The following PCDH15 variants were observed in gnomAD, a reference collection of about 807,000 sequenced individuals.
The protein encoded by PCDH15 is protocadherin related 15.
In PCDH15, 129 loss-of-function variants were observed where a neutral mutation model predicts 178.5. The observed-to-expected ratio is 0.72, with a 90% CI of 0.63 to 0.84. The LOEUF is 0.84. Ranked by LOEUF, PCDH15 falls within the 40% of genes least tolerant of loss-of-function variation. The probability of loss-of-function intolerance (pLI) is 0.00; values close to 1 mark genes in which losing one functional copy is unlikely to be tolerated. For missense variants in PCDH15, 2,230 were observed against 2,099.9 expected (o/e 1.06, Z -1.21); for synonymous variants, 800 against 732.0 (o/e 1.09, Z -1.50).
Position 54,697,579 on chromosome 10 carries a change from A to G in PCDH15, c.-28-33289T>C, listed in dbSNP as rs533692007. On this transcript the variant is annotated intron_variant, in intron 1 of 37. Coordinates refer to ENST00000644397, the MANE Select transcript of PCDH15 (RefSeq NM_001384140.1). ...ATAGTTAACCTCTGCAGAAATGTTT[A>G]TGCTTATTTTTGCTTATTCCATTTA... Among the ~76,000 whole-genome samples the G allele has an allele frequency of 5.6e-5, 8 of 143,128 alleles. No individual in the cohort carries two copies. The South Asian group carries it at 1.8e-3, about 33-fold the overall frequency. 93.9% of individuals were successfully genotyped at this position (143,128 alleles called of 152,430 possible).
intron 15 of PCDH15, among the ~76,000 whole-genome samples, chr10:54,108,769 G>A (rs898484857): frequency 6.6e-6 from 1 of 152,104 alleles, no homozygotes; most frequent in Non-Finnish European, 1.5e-5. Context: ...AATTGTAAAG[G>A]GAACATTGTC....
intron 18 of PCDH15, among the ~76,000 whole-genome samples, chr10:54,026,807 T>C (rs2093112634): frequency 6.6e-6 from 1 of 152,118 alleles, no homozygotes; most frequent in South Asian, 2.1e-4. Flanking sequence ...ATAAGAGCTA[T>C]CTATGACAAA....
In PCDH15 at chr10:54,050,614, TG is replaced by T. The variant is rs1035283811; in HGVS notation, c.2220+16142del. Among the ~76,000 whole-genome samples, 659 of 149,112 alleles carry T rather than the reference TG, an allele frequency of 4.4e-3. 4 individuals are homozygous for T. Among genetic ancestry groups the T allele is most frequent in the African/African-American group, 6.1e-3 (249 of 40,524 alleles). On this transcript the variant is annotated intron_variant, in intron 18 of 37. Transcript: ENST00000644397. ...CTCTTTTGCTAGACATAAGGGGTTT[TG>T]TTTGTTTGTTTGTTTGTTTTTCCCT...
Position 55,086,765 on chromosome 10 carries a change from C to T in PCDH15, c.-80+79811G>A, listed in dbSNP as rs529124154. ...TAAAAGAAAAACTATATCACACATA[C>T]TTTAATATAGATAAACAAATAAATA... On this transcript the variant is annotated intron_variant, in intron 2 of 5. Coordinates refer to the PCDH15 transcript ENST00000458638. Among the ~76,000 whole-genome samples the T allele has an allele frequency of 2.0e-5, 3 of 152,074 alleles. No individual in the cohort carries two copies. The South Asian group carries it at 6.2e-4, about 32-fold the overall frequency.
intron 2 of PCDH15, among the ~76,000 whole-genome samples, chr10:54,541,043 C>T (rs1047411605): frequency 2.6e-5 from 4 of 152,078 alleles, no homozygotes; most frequent in African/African-American, 9.7e-5. Context: ...CACAATACAG[C>T]TAACATTAAA....
intron 2 of PCDH15, among the ~76,000 whole-genome samples, chr10:54,560,190 T>C (rs983531179): frequency 6.6e-6 from 1 of 152,068 alleles, no homozygotes; most frequent in Admixed American, 6.6e-5. Context: ...TGTCCGCCTA[T>C]AGAAGATTTT....
chr10:54,827,195 A>T lies in PCDH15; in HGVS notation c.-29+70255T>A, dbSNP rs73254004. 3.7e-3 allele frequency among the ~76,000 whole-genome samples: 562 copies of T among 152,240 alleles called. 1 individual carries two copies. Among genetic ancestry groups the T allele is most frequent in the African/African-American group, 0.013 (540 of 41,558 alleles). On this transcript the variant is annotated intron_variant, in intron 3 of 5. Coordinates refer to the PCDH15 transcript ENST00000458638. ...GACAGTGATGTCAACACTAGCAATG[A>T]CATTGATATGTCTCAAGTGCTCTCT...
chr10:54,011,494 T>C (rs1256910247), intron 20 of PCDH15, among the ~76,000 whole-genome samples: 2 of 152,118 alleles, frequency 1.3e-5, no homozygotes, highest in Non-Finnish European at 2.9e-5. Flanking sequence ...AGAGCTACAA[T>C]GTGTAGCCTG....
intron 2 of PCDH15, among the ~76,000 whole-genome samples, chr10:54,551,152 C>G (rs1433176913): frequency 4.5e-5 from 1 of 22,090 alleles, no homozygotes; most frequent in Non-Finnish European, 9.1e-5. Flanking sequence ...GAGACTCTGT[C>G]TCAAAAAAAA....
intron 2 of PCDH15, among the ~76,000 whole-genome samples, chr10:55,415,131 A>G (rs1838446179): frequency 1.3e-5 from 2 of 151,580 alleles, no homozygotes; most frequent in Admixed American, 1.3e-4. Context: ...AAATGATGTG[A>G]AACTTTATCA....
intron 1 of PCDH15, among the ~76,000 whole-genome samples, chr10:55,187,276 T>C (rs1207601629): frequency 6.6e-6 from 1 of 152,048 alleles, no homozygotes; most frequent in Non-Finnish European, 1.5e-5. Context: ...TATTAATTTT[T>C]TCATATTGAA....
chr10:54,756,550 C>T (rs966801060), intron 1 of PCDH15, among the ~76,000 whole-genome samples: 2 of 152,158 alleles, frequency 1.3e-5, no homozygotes, highest in African/African-American at 4.8e-5. Context: ...AATGGGCTCA[C>T]ACAGATCTTG....
intron 2 of PCDH15, chr10:54,600,194 T>A: frequency 1.6e-6 from 1 of 630,476 alleles, no homozygotes; most frequent in South Asian, 1.6e-5. Flanking sequence ...ATTACCAAAT[T>A]GGTAAAGGTG....
chr10:54,131,206 C>A (rs995259505), intron 15 of PCDH15, among the ~76,000 whole-genome samples: 4 of 152,056 alleles, frequency 2.6e-5, no homozygotes, highest in Non-Finnish European at 5.9e-5. Context: ...GAAACCTGAG[C>A]CACTTTACAA....
chr10:54,753,638 G>T (rs11004544), intron 1 of PCDH15, among the ~76,000 whole-genome samples: 2 of 151,910 alleles, frequency 1.3e-5, no homozygotes, highest in Admixed American at 1.3e-4. Flanking sequence ...CCACTATATT[G>T]TTGTAAGTAT....
At chr10:54,686,998 TATAA>T (rs2095024232) in intron 1 of PCDH15, among the ~76,000 whole-genome samples, 1 of 152,256 alleles carries the variant, frequency 6.6e-6, no homozygotes, top group South Asian at 2.1e-4. Context: ...CCAAAAGAAC[TATAA>T]ATAGCCAATA....
At chr10:55,159,508 C>T (rs1490838486) in intron 2 of PCDH15, among the ~76,000 whole-genome samples, 4 of 149,018 alleles carry the variant, frequency 2.7e-5, no homozygotes, top group Non-Finnish European at 4.5e-5. Context: ...CACACATATA[C>T]ACACACACAA....
intron 9 of PCDH15, among the ~76,000 whole-genome samples, chr10:54,235,668 G>A (rs1404621559): frequency 1.3e-5 from 2 of 151,986 alleles, no homozygotes; most frequent in African/African-American, 2.4e-5. Flanking sequence ...TATCTTTTAC[G>A]TTGTTTTAAT....
At chr10:54,104,931 C>A (rs1294433239) in intron 15 of PCDH15, among the ~76,000 whole-genome samples, 1 of 150,582 alleles carries the variant, frequency 6.6e-6, no homozygotes, top group Non-Finnish European at 1.5e-5. Context: ...AGCAACCAAC[C>A]AACTTCATAG....
Sources: allele counts gnomAD v4.1 joint callset (sites outside exome capture counted in the v4.1 genomes callset), GRCh38; gene constraint gnomAD v4.1.1; transcripts MANE v1.5; gene names NCBI Gene and HGNC (gene_info 2026-07-23, HGNC 2026-07-21).